Variants in LONP1 observed in about 807,000 individuals in gnomAD.
The protein encoded by LONP1 is lon protease homolog, mitochondrial.
In LONP1, 31 loss-of-function variants were observed where a neutral mutation model predicts 98.5. The ratio of observed to expected loss-of-function variants is 0.31; its 90% CI spans 0.24 to 0.42. LONP1 has a LOEUF of 0.42. Ranked by LOEUF, LONP1 falls within the 20% of genes least tolerant of loss-of-function variation. LONP1 has a pLI of 1.00. For synonymous variants in LONP1, 781 were observed against 594.7 expected, an observed-to-expected ratio of 1.31 and a Z score of -4.56; for missense variants, 1,336 against 1,350.6, an observed-to-expected ratio of 0.99 and a Z score of 0.17.
At chr19:5,705,499 G>A (rs2055130146) in intron 8 of LONP1, among the ~76,000 whole-genome samples, 1 of 150,684 alleles carries the variant, frequency 6.6e-6, no homozygotes. Flanking sequence ...TTAGAGCCAG[G>A]CGTCCCTGGG....
intron 13 of LONP1, among the ~76,000 whole-genome samples, chr19:5,695,830 C>T (rs367837654): frequency 2.0e-5 from 3 of 152,182 alleles, no homozygotes; most frequent in African/African-American, 4.8e-5. Context: ...CGGTGGTGGG[C>T]GGTGTTTTGG....
At chr19:5,704,198 G>A (rs762560380) in intron 8 of LONP1, among the ~76,000 whole-genome samples, 3 of 152,224 alleles carry the variant, frequency 2.0e-5, no homozygotes, top group Non-Finnish European at 4.4e-5. Flanking sequence ...CCGAGCCGAG[G>A]GATGCGGGCG....
intron 13 of LONP1, among the ~76,000 whole-genome samples, chr19:5,695,325 C>G (rs1168577138): frequency 1.3e-5 from 2 of 152,054 alleles, no homozygotes; most frequent in South Asian, 2.1e-4. Flanking sequence ...GTTCTGAGCT[C>G]TAATGGCATG....
intron 9 of LONP1, among the ~76,000 whole-genome samples, chr19:5,700,576 C>T (rs913959496): frequency 3.3e-5 from 5 of 152,224 alleles, no homozygotes; most frequent in African/African-American, 7.2e-5. Context: ...CCACCATGCC[C>T]GGCCCGTCAG....
intron 8 of LONP1, among the ~76,000 whole-genome samples, chr19:5,701,326 C>T (rs1377306909): frequency 1.3e-5 from 2 of 152,130 alleles, no homozygotes; most frequent in Non-Finnish European, 2.9e-5. Context: ...CCCTCTGCCT[C>T]TCCCCTTTCC....
intron 15 of LONP1, 100 bp downstream of exon 15, chr19:5,694,287 G>A: frequency 4.7e-6 from 7 of 1,486,638 alleles, no homozygotes; most frequent in Non-Finnish European, 6.4e-6. Flanking sequence ...GCCGTTCAGA[G>A]CCACCTGAGG....
At chr19:5,712,527 C>T (rs758666400) in intron 3 of LONP1, 3 of 176,986 alleles carry the variant, frequency 1.7e-5, no homozygotes, top group Admixed American at 5.5e-5. Flanking sequence ...CTCAGGGTCT[C>T]GCTCTGTTGC....
intron 4 of LONP1, 188 bp from the exon 5 acceptor site, chr19:5,708,591 G>A (rs983374206): frequency 1.2e-5 from 5 of 409,890 alleles, no homozygotes; most frequent in Non-Finnish European, 2.4e-5. Context: ...ACCAGTCCCA[G>A]GGACACAGGA....
At chr19:5,719,313 C>T (rs967071151) in intron 1 of LONP1, among the ~76,000 whole-genome samples, 1 of 152,172 alleles carries the variant, frequency 6.6e-6, no homozygotes, top group Non-Finnish European at 1.5e-5. Context: ...AATTCTGATC[C>T]CAGTGAGGCT....
In LONP1 at chr19:5,711,053, C is replaced by T. The variant is rs537380214; in HGVS notation, c.870+718G>A. 4.6e-5 allele frequency among the ~76,000 whole-genome samples: 7 copies of T among 151,874 alleles called. No individual in the cohort carries two copies. In the East Asian group the frequency reaches 5.8e-4, roughly 13 times the overall value. ...AAAAAAGAAAGAAAAAAAAAAACCTCGCAGGGGTAGTGGGGCAGGATAGAA... is the reference window on the plus strand; with the variant it reads ...AAAAAAGAAAGAAAAAAAAAAACCTTGCAGGGGTAGTGGGGCAGGATAGAA... On this transcript the variant is annotated intron_variant, in intron 4 of 17. Transcript: ENST00000360614.
intron 4 of LONP1, among the ~76,000 whole-genome samples, chr19:5,711,143 G>T (rs1258944993): frequency 6.6e-6 from 1 of 152,214 alleles, no homozygotes; most frequent in Non-Finnish European, 1.5e-5. Flanking sequence ...AGCGCCCACA[G>T]CAGACATCAC....
chr19:5,714,310 ATTTT>A (rs769200423), intron 1 of LONP1, 39 bp from the exon 2 acceptor site: 1 of 1,360,400 alleles, frequency 7.4e-7, no homozygotes, highest in South Asian at 1.3e-5. Flanking sequence ...TGCAGAGTAG[ATTTT>A]TTTTTTGAGA....
chr19:5,710,298 A>T (rs1375941530), intron 4 of LONP1, among the ~76,000 whole-genome samples: 4 of 151,968 alleles, frequency 2.6e-5, no homozygotes, highest in Non-Finnish European at 5.9e-5. Context: ...CATGTTGGTC[A>T]GGCTGGTCTC....
chr19:5,693,832 C>T, intron 15 of LONP1, 63 bp from the exon 16 acceptor site: 2 of 1,376,954 alleles, frequency 1.5e-6, no homozygotes, highest in Non-Finnish European at 2.0e-6. Context: ...GCTCACTCCA[C>T]CCCTCGGGGC....
chr19:5,711,557 C>T (rs1339252004), intron 4 of LONP1, among the ~76,000 whole-genome samples: 3 of 152,186 alleles, frequency 2.0e-5, no homozygotes, highest in South Asian at 2.1e-4. Context: ...CAGGCTCCAG[C>T]GAATTTCCTG....
At chr19:5,692,703 T>TCCATGGACAGTGAGCCTCCCAATTTG (rs2054849867) in intron 17 of LONP1, among the ~76,000 whole-genome samples, 1 of 152,092 alleles carries the variant, frequency 6.6e-6, no homozygotes, top group African/African-American at 2.4e-5. Flanking sequence ...GCACACTGAC[T>TCCATGGACAGTGAGCCTCCCAATTTG]CCATGGACAG....
chr19:5,711,874 G>A lies in LONP1; in HGVS notation c.767C>T (p.Ala256Val), dbSNP rs116591583. Reference sequence around the variant, plus strand: ...AGGGGTGGGCTCCATCGCCAGCTCCGCCGGGTGCCTGGCGCTCAGCTCGTC... The same window carrying A: ...AGGGGTGGGCTCCATCGCCAGCTCCACCGGGTGCCTGGCGCTCAGCTCGTC... ...AEDELSARHP[A>V]ELAMEPTPEL... The change falls in exon 4 of 18, where the codon GCG (alanine) becomes GTG (valine). Residue 256 changes from alanine (A) to valine (V), a missense_variant. This residue lies in a region of LONP1 where 457 missense variants were observed against 403.1 expected (regional missense o/e 1.13). Transcript: ENST00000360614. 434 of 1,612,794 alleles carry A rather than the reference G, an allele frequency of 2.7e-4. 2 individuals are homozygous for A. The African/African-American group carries it at 5.3e-3, about 20-fold the overall frequency.
chr19:5,699,458 A>G (rs973177443), intron 9 of LONP1, among the ~76,000 whole-genome samples: 4 of 152,128 alleles, frequency 2.6e-5, no homozygotes, highest in African/African-American at 4.8e-5. Context: ...CGGCAGTGCC[A>G]GGCCCGTTCA....
Position 5,700,843 on chromosome 19 carries a change from C to T in LONP1, c.1452G>A (p.Gln484=). 1.2e-6 allele frequency: 2 copies of T among 1,614,248 alleles called. No homozygotes were observed. Among genetic ancestry groups the T allele is most frequent in the Admixed American group, 1.7e-5 (1 of 60,030 alleles). Residue 484 remains glutamine, a synonymous_variant, in exon 9 of 18, where the codon CAG becomes CAA. Coordinates refer to ENST00000360614, the MANE Select transcript of LONP1 (RefSeq NM_004793.4). ...SNENLDLARA[Q]AVLEEDHYGM... ...CGTAGTGGTCTTCCTCCAGCACTGC[C>T]TGTGCCCGCGCCAGGTCCAGGTTCT...
Sources: allele counts gnomAD v4.1 joint callset (sites outside exome capture counted in the v4.1 genomes callset), GRCh38; gene constraint gnomAD v4.1.1; regional missense constraint gnomAD v4.1.1; transcripts MANE v1.5; gene names NCBI Gene and HGNC (gene_info 2026-07-23, HGNC 2026-07-21).